The following FBXL7 variants were observed in gnomAD, a reference collection of about 807,000 sequenced individuals.
FBXL7 encodes F-box/LRR-repeat protein 7.
A neutral mutation model predicts 38.3 loss-of-function variants in FBXL7; 12 were observed. The observed-to-expected ratio is 0.31, with a 90% CI of 0.20 to 0.51. FBXL7 has a LOEUF of 0.51. FBXL7 is among the 20% of genes least tolerant of loss of function. The probability of loss-of-function intolerance (pLI) is 0.98; values close to 1 mark genes in which losing one functional copy is unlikely to be tolerated. For synonymous variants in FBXL7, 297 were observed against 300.9 expected (o/e 0.99, Z 0.13); for missense variants, 567 against 676.4 (o/e 0.84, Z 1.79).
intron 2 of FBXL7, among the ~76,000 whole-genome samples, chr5:15,621,141 G>A (rs1228284538): frequency 6.6e-6 from 1 of 152,178 alleles, no homozygotes; most frequent in Non-Finnish European, 1.5e-5. Context: ...AAAGTTCTGG[G>A]CATCTTAATT....
At chr5:15,863,102 C>T (rs542754205) in intron 2 of FBXL7, among the ~76,000 whole-genome samples, 5 of 152,286 alleles carry the variant, frequency 3.3e-5, no homozygotes, top group Admixed American at 3.3e-4. Flanking sequence ...TAAACAGTGA[C>T]CTCTTGTACT....
At chr5:15,800,222 AAGCAGGTGTCTGGTGGGC>A in intron 2 of FBXL7, among the ~76,000 whole-genome samples, 1 of 152,260 alleles carries the variant, frequency 6.6e-6, no homozygotes, top group East Asian at 1.9e-4. Flanking sequence ...ATGGATATGA[AAGCAGGTGTCTGGTGGGC>A]AGCAGGAACT....
chr5:15,838,492 A>G (rs1213276013), intron 2 of FBXL7, among the ~76,000 whole-genome samples: 1 of 152,186 alleles, frequency 6.6e-6, no homozygotes, highest in Non-Finnish European at 1.5e-5. Flanking sequence ...TAGGATTTCA[A>G]CATAAGAATT....
chr5:15,840,361 T>TGAGGAGGAGG (rs1738711278), intron 2 of FBXL7, among the ~76,000 whole-genome samples: 1 of 36,248 alleles, frequency 2.8e-5, no homozygotes, highest in African/African-American at 5.7e-5. Context: ...CCCCTCCTCC[T>TGAGGAGGAGG]CATTCTTTTC....
At chr5:15,511,230 A>G (rs936198914) in intron 1 of FBXL7, among the ~76,000 whole-genome samples, 11 of 152,220 alleles carry the variant, frequency 7.2e-5, no homozygotes, top group African/African-American at 2.7e-4. Context: ...TTAGGAAACA[A>G]TCTGCTGACA....
chr5:15,684,911 C>G (rs1451403172), intron 2 of FBXL7, among the ~76,000 whole-genome samples: 1 of 152,136 alleles, frequency 6.6e-6, no homozygotes, highest in African/African-American at 2.4e-5. Context: ...CATGTAATGT[C>G]AAATAATCAT....
chr5:15,801,485 C>A (rs897987532), intron 2 of FBXL7, among the ~76,000 whole-genome samples: 2 of 152,140 alleles, frequency 1.3e-5, no homozygotes, highest in Non-Finnish European at 2.9e-5. Context: ...CAAGATATGG[C>A]TTGTCTAGAA....
chr5:15,564,787 A>G lies in FBXL7; in HGVS notation c.38-51196A>G, dbSNP rs142116700. ...CCAGAGTTGTGTGTATGGATATACA[A>G]TTTTGTGCACAATATGCCTGAAATA... is the stretch of plus-strand genomic sequence containing the variant. On this transcript the variant is annotated intron_variant, in intron 1 of 3. Coordinates refer to ENST00000504595, the MANE Select transcript of FBXL7 (RefSeq NM_012304.5). 4.5e-3 allele frequency among the ~76,000 whole-genome samples: 679 copies of G among 152,186 alleles called. 4 individuals carry two copies. The highest frequency in any genetic ancestry group is 0.021 in the South Asian group (99 of 4,828).
At chr5:15,546,661 G>A (rs945894063) in intron 1 of FBXL7, among the ~76,000 whole-genome samples, 1 of 152,172 alleles carries the variant, frequency 6.6e-6, no homozygotes, top group African/African-American at 2.4e-5. Flanking sequence ...AACCTATGAG[G>A]TGGAAGTTGC....
chr5:15,919,248 A>G (rs1263150906), intron 2 of FBXL7, among the ~76,000 whole-genome samples: 1 of 152,234 alleles, frequency 6.6e-6, no homozygotes, highest in East Asian at 1.9e-4. Flanking sequence ...ATGACTTCCT[A>G]GAGTGTAAAC....
chr5:15,814,865 C>T (rs370488077), intron 2 of FBXL7, among the ~76,000 whole-genome samples: 11 of 152,200 alleles, frequency 7.2e-5, no homozygotes, highest in Middle Eastern at 3.4e-3. Flanking sequence ...CTTGGAACAC[C>T]GGCTGGGTAG....
chr5:15,721,905 G>A (rs910696027), intron 2 of FBXL7, among the ~76,000 whole-genome samples: 2 of 152,144 alleles, frequency 1.3e-5, no homozygotes, highest in Non-Finnish European at 2.9e-5. Flanking sequence ...CACGATCTCA[G>A]CTCACTGCAA....
intron 1 of FBXL7, 23 bp from the exon 2 acceptor site, chr5:15,615,960 C>G (rs765823207): frequency 6.4e-7 from 1 of 1,572,794 alleles, no homozygotes; most frequent in East Asian, 2.3e-5. Context: ...ATCTCAAAAG[C>G]TGCTCATTCC....
At chr5:15,506,193 C>T (rs1193003397) in intron 1 of FBXL7, among the ~76,000 whole-genome samples, 1 of 151,612 alleles carries the variant, frequency 6.6e-6, no homozygotes, top group Non-Finnish European at 1.5e-5. Flanking sequence ...TAATTGCCAG[C>T]ATCATTCCTG....
chr5:15,681,656 G>A (rs566232955), intron 2 of FBXL7, among the ~76,000 whole-genome samples: 2 of 152,170 alleles, frequency 1.3e-5, no homozygotes, highest in East Asian at 3.9e-4. Context: ...CTTTTATTTA[G>A]AAAAACTGTA....
At chr5:15,659,380 T>G (rs1178041598) in intron 2 of FBXL7, among the ~76,000 whole-genome samples, 1 of 152,124 alleles carries the variant, frequency 6.6e-6, no homozygotes, top group Non-Finnish European at 1.5e-5. Flanking sequence ...ACTAAAAATA[T>G]CATTAGTTTC....
chr5:15,741,441 AT>A (rs895236255), intron 2 of FBXL7, among the ~76,000 whole-genome samples: 32 of 152,102 alleles, frequency 2.1e-4, no homozygotes, highest in Admixed American at 7.2e-4. Context: ...TAAAAAATGA[AT>A]TTTTTTTACC....
chr5:15,904,623 G>A (rs1741310746), intron 2 of FBXL7, among the ~76,000 whole-genome samples: 1 of 152,042 alleles, frequency 6.6e-6, no homozygotes, highest in South Asian at 2.1e-4. Context: ...TAATAACTAT[G>A]TATTTGATAT....
intron 2 of FBXL7, among the ~76,000 whole-genome samples, chr5:15,725,079 G>C (rs144093299): frequency 9.9e-5 from 15 of 152,212 alleles, no homozygotes; most frequent in Admixed American, 5.2e-4. Context: ...TACACTTTCT[G>C]TGTCCTCTTG....
Sources: gnomAD v4.1 joint callset for allele counts (sites outside exome capture counted in the v4.1 genomes callset) on GRCh38, gnomAD v4.1.1 for gene constraint, MANE v1.5 for transcripts, NCBI Gene and HGNC (gene_info 2026-07-23, HGNC 2026-07-21) for gene names.